PRICKLE1: variants seen among roughly 807,000 people sequenced by gnomAD.
The protein encoded by PRICKLE1 is prickle planar cell polarity protein 1.
PRICKLE1 carries 14 observed loss-of-function variants against 70.2 expected under a neutral mutation model. The ratio of observed to expected loss-of-function variants is 0.20; its 90% CI spans 0.13 to 0.31. The LOEUF (loss-of-function observed/expected upper bound fraction) is 0.31, where lower values mean the gene tolerates loss of function less well. Ranked by LOEUF, PRICKLE1 falls within the 10% of genes least tolerant of loss-of-function variation. The probability of loss-of-function intolerance (pLI) is 1.00; values close to 1 mark genes in which losing one functional copy is unlikely to be tolerated. For missense variants in PRICKLE1, 821 were observed against 1,026.2 expected, an observed-to-expected ratio of 0.80 and a Z score of 2.73; for synonymous variants, 357 against 379.9, an observed-to-expected ratio of 0.94 and a Z score of 0.70.
intron 5 of PRICKLE1, among the ~76,000 whole-genome samples, chr12:42,467,624 C>T (rs1938152632): frequency 6.6e-6 from 1 of 151,910 alleles, no homozygotes; most frequent in African/African-American, 2.4e-5. Flanking sequence ...TGGGCACCTG[C>T]AATCCCAGCT....
Position 42,457,908 on chromosome 12 carries a change from C to T in PRICKLE1, c.*1901G>A, listed in dbSNP as rs2140077658. On this transcript the variant is annotated 3_prime_UTR_variant, in exon 8 of 8. Transcript: ENST00000345127. Reference sequence around the variant, plus strand: ...ATGAAGAATGGAAAGGAGATGCTGTCTCTGACTTTTGCCCTATTTGAATTT... The same window carrying T: ...ATGAAGAATGGAAAGGAGATGCTGTTTCTGACTTTTGCCCTATTTGAATTT... 1 of 152,342 alleles carries T rather than the reference C, an allele frequency of 6.6e-6. No homozygotes were observed. Among genetic ancestry groups the T allele is most frequent in the Non-Finnish European group, 1.5e-5 (1 of 68,056 alleles). 9.4% of individuals were successfully genotyped at this position (152,342 alleles called of 1,614,324 possible).
chr12:42,464,403 T>C lies in PRICKLE1; in HGVS notation c.1631A>G (p.Asn544Ser), dbSNP rs1361111517. 1.2e-6 allele frequency: 2 copies of C among 1,614,048 alleles called. No individual in the cohort carries two copies. Among genetic ancestry groups the C allele is most frequent in the African/African-American group, 1.3e-5 (1 of 74,920 alleles). Residue 544 changes from asparagine (N) to serine (S), a missense_variant, in exon 7 of 8, where the codon AAT (asparagine) becomes AGT (serine). Asn to Ser is a conservative substitution (Grantham distance 46). Coordinates refer to ENST00000345127, the MANE Select transcript of PRICKLE1 (RefSeq NM_153026.3). The surrounding 1 kb of genome is among the most constrained non-coding windows in gnomAD (Gnocchi z 4.2). ...ATCCCTAGATTACGTACCTGTGATA[T>C]TGGACAATGCCAAAGAATCCATCGA... The part of the protein sequence containing the change: ...RDSMDSLALS[N>S]ITGASVDGEN...
rs1172847284 is a variant in PRICKLE1 at position 42,457,495 on chromosome 12, C to T, written c.*2314G>A. 6.6e-6 allele frequency: 1 copy of T among 152,202 alleles called. No individual in the cohort carries two copies. The highest frequency in any genetic ancestry group is 1.5e-5 in the Non-Finnish European group (1 of 68,042). The allele number at this position is 152,202 out of a possible 1,614,324, so 9.4% of individuals were successfully genotyped here. A position where few individuals can be genotyped will look rare whatever the true frequency, so the allele number is the denominator to read the frequency against. On this transcript the variant is annotated 3_prime_UTR_variant, in exon 8 of 8. Coordinates refer to ENST00000345127, the MANE Select transcript of PRICKLE1 (RefSeq NM_153026.3). Reference sequence around the variant, plus strand: ...TTGAGAGGTTGTGATGGAACAAACACTCTCATTTACATTACATTAATGTAA... The same window carrying T: ...TTGAGAGGTTGTGATGGAACAAACATTCTCATTTACATTACATTAATGTAA...
In PRICKLE1 at chr12:42,526,036, G is replaced by C. The variant is rs763945781; in HGVS notation, c.-48-53472C>G. ...CAGAATTAAGGGATCTTACGTGTTTGGAAACATGGAGCAGAGTGCTCTAGG... is the reference window on the plus strand; with the variant it reads ...CAGAATTAAGGGATCTTACGTGTTTCGAAACATGGAGCAGAGTGCTCTAGG... On this transcript the variant is annotated intron_variant, in intron 1 of 7. Coordinates refer to ENST00000345127, the MANE Select transcript of PRICKLE1 (RefSeq NM_153026.3). 1.2e-4 allele frequency among the ~76,000 whole-genome samples: 19 copies of C among 152,176 alleles called. No homozygotes were observed. The East Asian group carries it at 2.3e-3, about 19-fold the overall frequency.
At chr12:42,547,980 C>G (rs1035325081) in intron 1 of PRICKLE1, among the ~76,000 whole-genome samples, 3 of 152,088 alleles carry the variant, frequency 2.0e-5, no homozygotes, top group South Asian at 2.1e-4. Context: ...ATACACATAG[C>G]CTGAAAGTAA....
At chr12:42,525,731 T>TC (rs1184196338) in intron 1 of PRICKLE1, among the ~76,000 whole-genome samples, 6 of 151,524 alleles carry the variant, frequency 4.0e-5, no homozygotes, top group African/African-American at 1.2e-4. Context: ...TTTTTTTTTT[T>TC]CCCTACATCC....
intron 1 of PRICKLE1, among the ~76,000 whole-genome samples, chr12:42,553,368 G>C (rs927805070): frequency 5.9e-5 from 9 of 151,862 alleles, no homozygotes; most frequent in African/African-American, 1.2e-4. Flanking sequence ...GGCGTGAACC[G>C]GGGAGGCAGA....
chr12:42,460,709 A>G, intron 7 of PRICKLE1, 44 bp from the exon 8 acceptor site: 1 of 1,596,972 alleles, frequency 6.3e-7, no homozygotes, highest in Non-Finnish European at 8.5e-7. Context: ...AATCATCCTA[A>G]TATTCGACAG....
At chr12:42,565,061 A>C (rs1350221029) in intron 1 of PRICKLE1, among the ~76,000 whole-genome samples, 6 of 152,246 alleles carry the variant, frequency 3.9e-5, no homozygotes, top group African/African-American at 1.4e-4. Flanking sequence ...AGGACAATTA[A>C]CAAATATTAG....
At chr12:42,489,138 G>A (rs1357580781) in intron 1 of PRICKLE1, among the ~76,000 whole-genome samples, 1 of 150,462 alleles carries the variant, frequency 6.6e-6, no homozygotes, top group African/African-American at 2.4e-5. Context: ...GTTCAGACTG[G>A]TCTCGAACTC....
chr12:42,531,382 A>G (rs552099898), intron 1 of PRICKLE1, among the ~76,000 whole-genome samples: 2 of 152,288 alleles, frequency 1.3e-5, no homozygotes, highest in Admixed American at 1.3e-4. Flanking sequence ...TAGTGTTAAA[A>G]TGTTAGGTTA....
At chr12:42,567,351 A>C (rs1482403523) in intron 1 of PRICKLE1, among the ~76,000 whole-genome samples, 1 of 152,242 alleles carries the variant, frequency 6.6e-6, no homozygotes, top group East Asian at 1.9e-4. Flanking sequence ...ACTACAGTAC[A>C]GTCTGCTATA....
intron 4 of PRICKLE1, among the ~76,000 whole-genome samples, 164 bp from the exon 5 acceptor site, chr12:42,468,993 C>T (rs1469911822): frequency 6.6e-6 from 1 of 152,192 alleles, no homozygotes; most frequent in Non-Finnish European, 1.5e-5. Context: ...TGGTGATTCT[C>T]CACTGTAAGG....
At chr12:42,575,687 C>G (rs542860576) in intron 1 of PRICKLE1, among the ~76,000 whole-genome samples, 1 of 151,174 alleles carries the variant, frequency 6.6e-6, no homozygotes, top group Non-Finnish European at 1.5e-5. Flanking sequence ...GAGCGAAACT[C>G]CATCTCAAAA....
chr12:42,460,081 C>T lies in PRICKLE1; in HGVS notation c.2224G>A (p.Gly742Ser), dbSNP rs370967125. 9.9e-6 allele frequency: 16 copies of T among 1,614,016 alleles called. No individual in the cohort carries two copies. The highest frequency in any genetic ancestry group is 2.7e-5 in the African/African-American group (2 of 74,918). ...GQYAHATSDYGLQNPGMNRFL... is the reference protein window; with the variant it reads ...GQYAHATSDYSLQNPGMNRFL... ...CGATTCATTCCTGGGTTCTGCAGGC[C>T]ATAATCGGAAGTGGCATGGGCGTAC... Residue 742 changes from glycine to serine, a missense_variant, in exon 8 of 8, where the codon GGC (glycine) becomes AGC (serine). By Grantham distance (56) the Gly-to-Ser change is moderately conservative (BLOSUM62 0). Coordinates refer to ENST00000345127, the MANE Select transcript of PRICKLE1 (RefSeq NM_153026.3).
In PRICKLE1 at chr12:42,577,819, A is replaced by G. The variant is rs1377237195; in HGVS notation, c.-49+11646T>C. On this transcript the variant is annotated intron_variant, in intron 1 of 7. Transcript: ENST00000345127. ...AGCAATATTTATGAAACAATAAAAT[A>G]TCATCAAACAATTTTGGGTAAGCTA... is the stretch of plus-strand genomic sequence containing the variant. Among the ~76,000 whole-genome samples, 2 of 152,234 alleles carry G rather than the reference A, an allele frequency of 1.3e-5. 1 individual carries two copies.
At chr12:42,558,477 C>T (rs1940449634) in intron 1 of PRICKLE1, among the ~76,000 whole-genome samples, 1 of 152,176 alleles carries the variant, frequency 6.6e-6, no homozygotes, top group Non-Finnish European at 1.5e-5. Context: ...CTTTAAAATT[C>T]CAGATGTGAA....
At chr12:42,544,277 T>C (rs1220629506) in intron 1 of PRICKLE1, among the ~76,000 whole-genome samples, 4 of 152,248 alleles carry the variant, frequency 2.6e-5, no homozygotes, top group Non-Finnish European at 4.4e-5. Flanking sequence ...TAGGAAGGTA[T>C]GTATTTTTCT....
Position 42,460,238 on chromosome 12 carries a change from A to G in PRICKLE1, c.2067T>C (p.Leu689=). 1 of 1,614,088 alleles carries G rather than the reference A, an allele frequency of 6.2e-7. No homozygotes were observed. Among genetic ancestry groups the G allele is most frequent in the Non-Finnish European group, 8.5e-7 (1 of 1,180,012 alleles). ...TGGGAGAGTATTTTCTTTCTGTAAC[A>G]AGATTCAGGGCATTGTCGGAGCGGG... is the stretch of plus-strand genomic sequence containing the variant. ...RKSRSDNALN[L]VTERKYSPKD... is the part of the protein sequence containing the mutation. Residue 689 remains leucine, a synonymous_variant, in exon 8 of 8, where the codon CTT becomes CTC. Coordinates refer to ENST00000345127, the MANE Select transcript of PRICKLE1 (RefSeq NM_153026.3).
Sources: allele counts gnomAD v4.1 joint callset (sites outside exome capture counted in the v4.1 genomes callset), GRCh38; gene constraint gnomAD v4.1.1; non-coding constraint Gnocchi (gnomAD v3.1); transcripts MANE v1.5; gene names NCBI Gene and HGNC (gene_info 2026-07-23, HGNC 2026-07-21).